Variants in MINDY3 observed in about 807,000 individuals in gnomAD.
MINDY3 encodes ubiquitin carboxyl-terminal hydrolase MINDY-3.
In MINDY3, 38 loss-of-function variants were observed where a neutral mutation model predicts 69.2. That is an observed-to-expected ratio of 0.55 (90% CI 0.42 to 0.72). The LOEUF (loss-of-function observed/expected upper bound fraction) is 0.72. MINDY3 is among the 30% of genes least tolerant of loss of function. The pLI, the probability that MINDY3 is intolerant of heterozygous loss-of-function variation, is 0.00. For missense variants in MINDY3, 522 were observed against 519.0 expected (o/e 1.01, Z -0.06); for synonymous variants, 192 against 180.1 (o/e 1.07, Z -0.53).
intron 1 of MINDY3, among the ~76,000 whole-genome samples, chr10:15,851,236 A>G (rs1588656611): frequency 6.6e-6 from 1 of 152,046 alleles, no homozygotes; most frequent in African/African-American, 2.4e-5. Flanking sequence ...TTCATTCTAT[A>G]TATTTTTCCT....
chr10:15,817,176 T>C (rs1473151213), intron 9 of MINDY3: 2 of 347,600 alleles, frequency 5.8e-6, no homozygotes, highest in East Asian at 5.1e-5. Flanking sequence ...GATAACTATT[T>C]AGCCCTAAGA....
chr10:15,857,187 T>C (rs192412674), intron 1 of MINDY3, among the ~76,000 whole-genome samples: 2 of 152,140 alleles, frequency 1.3e-5, no homozygotes, highest in African/African-American at 4.8e-5. Context: ...TTCCTTCTTG[T>C]TCCTTAAACA....
intron 1 of MINDY3, among the ~76,000 whole-genome samples, chr10:15,851,530 A>T (rs77600078): frequency 0.01 from 1,566 of 152,016 alleles, 26 homozygotes; most frequent in African/African-American, 0.035. Context: ...ATTTCTCTGG[A>T]AAACTCAAAC....
chr10:15,783,977 G>C (rs1191015040), intron 13 of MINDY3, among the ~76,000 whole-genome samples: 1 of 152,212 alleles, frequency 6.6e-6, no homozygotes, highest in Non-Finnish European at 1.5e-5. Flanking sequence ...TGGTTAGACA[G>C]ACTATATTGG....
In MINDY3 at chr10:15,827,607, C is replaced by A. The variant is rs551061892; in HGVS notation, c.731-5881G>T. Among the ~76,000 whole-genome samples the A allele has an allele frequency of 3.3e-5, 5 of 151,938 alleles. No individual in the cohort carries two copies. In the South Asian group the frequency reaches 1.0e-3, roughly 32 times the overall value. ...TGGATATAAAAAAATATATCATTAA[C>A]AAAGTTAACAAGAAAGAGAAGGCTG... is the stretch of plus-strand genomic sequence containing the variant. On this transcript the variant is annotated intron_variant, in intron 8 of 14. Transcript: ENST00000277632.
chr10:15,825,052 T>C (rs1840000953), intron 8 of MINDY3, among the ~76,000 whole-genome samples: 1 of 152,206 alleles, frequency 6.6e-6, no homozygotes, highest in Non-Finnish European at 1.5e-5. Flanking sequence ...TTATAGAATT[T>C]ATTTGTAGGA....
intron 4 of MINDY3, among the ~76,000 whole-genome samples, chr10:15,838,817 ATTATGT>A (rs1833265259): frequency 1.3e-5 from 2 of 151,732 alleles, no homozygotes; most frequent in Non-Finnish European, 3.0e-5. Flanking sequence ...ACTTATTTAG[ATTATGT>A]TTATTAATCA....
intron 10 of MINDY3, among the ~76,000 whole-genome samples, chr10:15,808,065 A>G (rs1022991230): frequency 6.6e-6 from 1 of 152,200 alleles, no homozygotes; most frequent in African/African-American, 2.4e-5. Context: ...AAAAATTTAC[A>G]TACTTGTAAT....
chr10:15,836,234 G>A (rs920594273), intron 6 of MINDY3, among the ~76,000 whole-genome samples: 2 of 151,900 alleles, frequency 1.3e-5, no homozygotes, highest in African/African-American at 2.4e-5. Context: ...AGTGCCCACT[G>A]CTGGAAAAAA....
rs1838866816 is a variant in MINDY3, at chr10:15,809,661, G to A, written c.882+7174C>T. Among the ~76,000 whole-genome samples, 3 of 152,068 alleles carry A rather than the reference G, an allele frequency of 2.0e-5. No homozygotes were observed. In the South Asian group the frequency reaches 6.2e-4, roughly 32 times the overall value. On this transcript the variant is annotated intron_variant, in intron 10 of 14. Transcript: ENST00000277632. ...TATCCTCTTATTAGAAGTTCTGTGGGAACCCTGCTGCTTGATGACTCTGCA... is the reference window on the plus strand; with the variant it reads ...TATCCTCTTATTAGAAGTTCTGTGGAAACCCTGCTGCTTGATGACTCTGCA...
At chr10:15,841,712 T>G (rs1331145567) in intron 3 of MINDY3, 113 bp from the exon 4 acceptor site, 2 of 576,112 alleles carry the variant, frequency 3.5e-6, no homozygotes, top group East Asian at 6.0e-5. Context: ...ATTTTAAAAA[T>G]GGGGGAAAAA....
At chr10:15,790,749 C>A (rs932173896) in intron 11 of MINDY3, among the ~76,000 whole-genome samples, 2 of 152,088 alleles carry the variant, frequency 1.3e-5, no homozygotes, top group African/African-American at 2.4e-5. Flanking sequence ...TATATAATGG[C>A]TGAACATCCC....
At chr10:15,816,120 G>A (rs1839338760) in intron 10 of MINDY3, among the ~76,000 whole-genome samples, 2 of 151,910 alleles carry the variant, frequency 1.3e-5, no homozygotes, top group African/African-American at 4.8e-5. Flanking sequence ...AATTAGCTGG[G>A]TGTGGTGGCA....
At position 15,841,618 on chromosome 10, in the gene MINDY3, T is replaced by G; in HGVS notation, c.236-19A>C. 6.4e-7 allele frequency: 1 copy of G among 1,566,818 alleles called. No homozygotes were observed. On this transcript the variant is annotated intron_variant, in intron 3 of 14. Coordinates refer to ENST00000277632, the MANE Select transcript of MINDY3 (RefSeq NM_024948.4). ...TCTTCCTCTAAAAATAACCAAAGCATAAGTTATAATGGTTTCCTCTGGAAA... is the reference window on the plus strand; with the variant it reads ...TCTTCCTCTAAAAATAACCAAAGCAGAAGTTATAATGGTTTCCTCTGGAAA...
At chr10:15,859,938 C>T (rs1276736257) in intron 1 of MINDY3, among the ~76,000 whole-genome samples, 1 of 152,218 alleles carries the variant, frequency 6.6e-6, no homozygotes, top group African/African-American at 2.4e-5. Flanking sequence ...AGCAAGGGGC[C>T]ACCCTCTCCT....
chr10:15,795,016 G>A (rs1419411635), intron 11 of MINDY3, among the ~76,000 whole-genome samples: 1 of 151,794 alleles, frequency 6.6e-6, no homozygotes, highest in Admixed American at 6.6e-5. Context: ...TTTCAACTGT[G>A]GTTCCAAAAT....
chr10:15,824,336 G>GTCAT (rs1839954371), intron 8 of MINDY3, among the ~76,000 whole-genome samples: 1 of 152,032 alleles, frequency 6.6e-6, no homozygotes, highest in Non-Finnish European at 1.5e-5. Context: ...ACATCTCATT[G>GTCAT]TGGTTTTGAT....
intron 3 of MINDY3, 37 bp downstream of exon 3, chr10:15,843,175 A>G: frequency 6.5e-7 from 1 of 1,535,948 alleles, no homozygotes; most frequent in Non-Finnish European, 9.0e-7. Flanking sequence ...ATTAAAACAG[A>G]GGAGGAAGCA....
intron 6 of MINDY3, among the ~76,000 whole-genome samples, chr10:15,834,942 T>C (rs1228800792): frequency 6.6e-6 from 1 of 151,124 alleles, no homozygotes; most frequent in Non-Finnish European, 1.5e-5. Context: ...TATTTAAAAG[T>C]TAAATGAATA....
Sources: allele counts gnomAD v4.1 joint callset (sites outside exome capture counted in the v4.1 genomes callset), GRCh38; gene constraint gnomAD v4.1.1; transcripts MANE v1.5; gene names NCBI Gene and HGNC (gene_info 2026-07-23, HGNC 2026-07-21).